The following GRM1 variants were observed in gnomAD, a reference collection of about 807,000 sequenced individuals.
GRM1 encodes the protein metabotropic glutamate receptor 1.
In GRM1, 33 loss-of-function variants were observed where a neutral mutation model predicts 90.9. The ratio of observed to expected loss-of-function variants is 0.36; its 90% CI spans 0.28 to 0.49. The LOEUF (loss-of-function observed/expected upper bound fraction) is 0.49. Among genes scored for constraint, GRM1 ranks in the 20% least tolerant of loss-of-function variants. The probability of loss-of-function intolerance (pLI) is 0.99; values close to 1 mark genes in which losing one functional copy is unlikely to be tolerated. For synonymous variants in GRM1, 700 were observed against 613.2 expected, an observed-to-expected ratio of 1.14 and a Z score of -2.09; for missense variants, 1,190 against 1,534.3, an observed-to-expected ratio of 0.78 and a Z score of 3.75.
intron 1 of GRM1, among the ~76,000 whole-genome samples, chr6:146,062,262 A>G (rs1305925555): frequency 6.6e-6 from 1 of 152,078 alleles, no homozygotes. Flanking sequence ...CAAACAATGC[A>G]TGTTCTCACT....
chr6:146,421,278 T>C (rs1000471417), intron 7 of GRM1, among the ~76,000 whole-genome samples: 6 of 152,096 alleles, frequency 3.9e-5, no homozygotes, highest in Non-Finnish European at 7.4e-5. Flanking sequence ...AGTAGAAGAA[T>C]GGATTATTTT....
At chr6:146,152,594 C>T (rs1777379408) in intron 1 of GRM1, among the ~76,000 whole-genome samples, 1 of 151,992 alleles carries the variant, frequency 6.6e-6, no homozygotes, top group Non-Finnish European at 1.5e-5. Context: ...TTTGAGCTTC[C>T]ACATCCTCAC....
At chr6:146,410,083 G>A (rs779051474) in intron 7 of GRM1, among the ~76,000 whole-genome samples, 4 of 152,020 alleles carry the variant, frequency 2.6e-5, no homozygotes, top group Non-Finnish European at 4.4e-5. Flanking sequence ...GCTTAGATGG[G>A]TATGAAAAAA....
At chr6:146,213,195 C>A (rs1293207655) in intron 2 of GRM1, among the ~76,000 whole-genome samples, 2 of 151,692 alleles carry the variant, frequency 1.3e-5, no homozygotes, top group South Asian at 2.1e-4. Flanking sequence ...GAAGCACATG[C>A]ATGAAAGATA....
At chr6:146,401,197 A>G (rs1777146314) in intron 7 of GRM1, among the ~76,000 whole-genome samples, 1 of 152,184 alleles carries the variant, frequency 6.6e-6, no homozygotes, top group Non-Finnish European at 1.5e-5. Context: ...ATGGATTTCA[A>G]GTAAAGACAT....
At chr6:146,064,598 T>C (rs772057323) in intron 1 of GRM1, among the ~76,000 whole-genome samples, 5 of 151,950 alleles carry the variant, frequency 3.3e-5, no homozygotes, top group African/African-American at 9.7e-5. Flanking sequence ...ACTTCCTTGA[T>C]CCACTAATTT....
intron 2 of GRM1, chr6:146,159,932 A>T (rs910376479): frequency 4.5e-6 from 1 of 220,660 alleles, no homozygotes; most frequent in Non-Finnish European, 9.1e-6. Flanking sequence ...AAAAAAAAAA[A>T]AAAGGAAAGA....
chr6:146,050,184 C>A (rs1455003482), intron 1 of GRM1, among the ~76,000 whole-genome samples: 1 of 151,996 alleles, frequency 6.6e-6, no homozygotes, highest in Non-Finnish European at 1.5e-5. Flanking sequence ...TTGCATTCGA[C>A]ACACCTGTTC....
intron 2 of GRM1, among the ~76,000 whole-genome samples, chr6:146,278,281 T>C (rs1409514012): frequency 6.6e-6 from 1 of 152,198 alleles, no homozygotes; most frequent in Non-Finnish European, 1.5e-5. Flanking sequence ...TTGCTTTATA[T>C]GTGAGAAAAA....
intron 2 of GRM1, among the ~76,000 whole-genome samples, chr6:146,187,133 G>A (rs1008289423): frequency 6.6e-6 from 1 of 152,120 alleles, no homozygotes; most frequent in African/African-American, 2.4e-5. Flanking sequence ...TAAAAGATTG[G>A]TTGATTGTGT....
chr6:146,400,472 G>C (rs1285066009), intron 7 of GRM1, among the ~76,000 whole-genome samples: 2 of 152,134 alleles, frequency 1.3e-5, no homozygotes, highest in Non-Finnish European at 2.9e-5. Context: ...GAACATTAAA[G>C]TCCAGATGAA....
intron 1 of GRM1, among the ~76,000 whole-genome samples, chr6:146,051,330 A>G (rs1775281897): frequency 6.6e-6 from 1 of 152,050 alleles, no homozygotes; most frequent in Non-Finnish European, 1.5e-5. Context: ...TGTGTATCCT[A>G]CAGTGGTTAG....
intron 3 of GRM1, among the ~76,000 whole-genome samples, chr6:146,334,371 C>A (rs186354063): frequency 2.6e-5 from 4 of 152,308 alleles, no homozygotes; most frequent in African/African-American, 7.2e-5. Flanking sequence ...AATGCTTTTA[C>A]TTCTCTGTGC....
intron 3 of GRM1, among the ~76,000 whole-genome samples, chr6:146,309,666 T>C (rs1472253095): frequency 1.3e-5 from 2 of 152,170 alleles, no homozygotes; most frequent in Admixed American, 1.3e-4. Context: ...CATTCTTATG[T>C]TGTCAGTCAT....
intron 3 of GRM1, among the ~76,000 whole-genome samples, chr6:146,323,833 A>G (rs1784297710): frequency 6.6e-6 from 1 of 152,160 alleles, no homozygotes; most frequent in South Asian, 2.1e-4. Context: ...TCCCAGCACC[A>G]TTTGTTAAAT....
intron 5 of GRM1, among the ~76,000 whole-genome samples, chr6:146,371,181 T>C (rs960695411): frequency 2.0e-5 from 3 of 152,088 alleles, no homozygotes; most frequent in Admixed American, 6.6e-5. Context: ...ATAGTGTAAC[T>C]GGGGAAAAAC....
At chr6:146,286,177 T>G in intron 2 of GRM1, among the ~76,000 whole-genome samples, 1 of 152,118 alleles carries the variant, frequency 6.6e-6, no homozygotes, top group East Asian at 1.9e-4. Context: ...ACACTAAAAA[T>G]TTATAAATCC....
Position 146,065,572 on chromosome 6 carries a change from A to G in GRM1, c.700+35355A>G, listed in dbSNP as rs1775818063. Among the ~76,000 whole-genome samples, 4 of 152,226 alleles carry G rather than the reference A, an allele frequency of 2.6e-5. No homozygotes were observed. The South Asian group carries it at 8.3e-4, about 31-fold the overall frequency. On this transcript the variant is annotated intron_variant, in intron 1 of 7. Transcript: ENST00000282753. ...TTGCCACCATGATTACTACCCATTC[A>G]GTGCAAGTGAGGTACCCTATATAAA...
chr6:146,099,309 C>G (rs1022975622), intron 1 of GRM1, among the ~76,000 whole-genome samples: 1 of 152,176 alleles, frequency 6.6e-6, no homozygotes, highest in African/African-American at 2.4e-5. Flanking sequence ...ATCACCTGAA[C>G]CTGGGAGACA....
Sources: allele counts gnomAD v4.1 joint callset (sites outside exome capture counted in the v4.1 genomes callset), GRCh38; gene constraint gnomAD v4.1.1; transcripts MANE v1.5; gene names NCBI Gene and HGNC (gene_info 2026-07-23, HGNC 2026-07-21).